Variants in SOCS7 observed in about 807,000 individuals in gnomAD.
SOCS7 encodes the protein suppressor of cytokine signaling 7.
Under a neutral mutation model 58.9 loss-of-function variants are expected in SOCS7, and 18 were observed. The observed-to-expected ratio is 0.31, with a 90% CI of 0.21 to 0.45. The LOEUF is 0.45. SOCS7 is among the 20% of genes least tolerant of loss of function. The pLI is 1.00. For synonymous variants in SOCS7, 388 were observed against 364.3 expected (o/e 1.06, Z -0.74); for missense variants, 667 against 837.3 (o/e 0.80, Z 2.51).
chr17:38,389,934 G>A, intron 7 of SOCS7, among the ~76,000 whole-genome samples: 1 of 38,608 alleles, frequency 2.6e-5, no homozygotes. Flanking sequence ...GAGAGTGAGA[G>A]AGAGAGAGAC....
chr17:38,376,842 G>A (rs1256128419), intron 6 of SOCS7, among the ~76,000 whole-genome samples: 1 of 152,130 alleles, frequency 6.6e-6, no homozygotes, highest in African/African-American at 2.4e-5. Context: ...GTCAATGATA[G>A]ACTACATATA....
At position 38,403,444 on chromosome 17, in the gene SOCS7, G is replaced by C. The variant is rs1465305326; in HGVS notation, c.*3962G>C. On this transcript the variant is annotated 3_prime_UTR_variant, in exon 10 of 10. Transcript: ENST00000612932. ...GCCTGCTTGAAGCCCTCTGCTCCCTGCAGAAACTGGGGCGAGGAGGAGCTT... is the reference window on the plus strand; with the variant it reads ...GCCTGCTTGAAGCCCTCTGCTCCCTCCAGAAACTGGGGCGAGGAGGAGCTT... 6.6e-6 allele frequency: 1 copy of C among 152,248 alleles called. No homozygotes were observed. Among genetic ancestry groups the C allele is most frequent in the Non-Finnish European group, 1.5e-5 (1 of 68,094 alleles). 9.4% of individuals were successfully genotyped at this position (152,248 alleles called of 1,614,324 possible). A position where few individuals can be genotyped will look rare whatever the true frequency, so the allele number is the denominator to read the frequency against.
In SOCS7 at chr17:38,364,864, T is replaced by G. The variant is rs1555568069; in HGVS notation, c.1150+8T>G. On this transcript the variant is annotated splice_region_variant and intron_variant, in intron 3 of 9. Transcript: ENST00000612932. ...GAAGCCTCAGCCTCCTAGGTATAGT[T>G]TCTTCCCCTCTCCACCTTCTTGCCT... is the stretch of plus-strand genomic sequence containing the variant. 4 of 1,605,894 alleles carry G rather than the reference T, an allele frequency of 2.5e-6. No individual in the cohort carries two copies. Among genetic ancestry groups the G allele is most frequent in the African/African-American group, 1.3e-5 (1 of 74,738 alleles).
chr17:38,365,415 C>T lies in SOCS7; in HGVS notation c.1252+6C>T, dbSNP rs1190581127. 6.3e-7 allele frequency: 1 copy of T among 1,598,076 alleles called. No individual in the cohort carries two copies. Among genetic ancestry groups the T allele is most frequent in the Non-Finnish European group, 8.5e-7 (1 of 1,169,980 alleles). On this transcript the variant is annotated splice_donor_region_variant and intron_variant, in intron 4 of 9. Transcript: ENST00000612932. ...TCCTCCACCCCATGCCCCAGGTTAG[C>T]TTAGTTTAGAGGCAAGACTTGTAAG...
intron 7 of SOCS7, among the ~76,000 whole-genome samples, chr17:38,392,018 G>A (rs886320719): frequency 5.9e-5 from 9 of 152,160 alleles, no homozygotes; most frequent in Non-Finnish European, 1.2e-4. Context: ...CATGAGGACT[G>A]GAAGAAAGTT....
At chr17:38,398,950 C>A (rs2038280725) in intron 9 of SOCS7, among the ~76,000 whole-genome samples, 1 of 152,018 alleles carries the variant, frequency 6.6e-6, no homozygotes, top group Non-Finnish European at 1.5e-5. Context: ...ATTAGCCAGG[C>A]ATGGTGGCGC....
At chr17:38,399,465 G>C (rs539002384) in intron 9 of SOCS7, 48 bp from the exon 10 acceptor site, 2 of 152,394 alleles carry the variant, frequency 1.3e-5, no homozygotes, top group East Asian at 3.9e-4. Flanking sequence ...ACTCCATTTT[G>C]GTTCTATTCT....
intron 1 of SOCS7, among the ~76,000 whole-genome samples, chr17:38,354,890 G>A (rs2037613410): frequency 1.3e-5 from 2 of 152,186 alleles, no homozygotes; most frequent in Admixed American, 1.3e-4. Context: ...AGAGGAAAAG[G>A]CATATGACAT....
intron 1 of SOCS7, among the ~76,000 whole-genome samples, chr17:38,355,196 A>G (rs1181052681): frequency 6.6e-6 from 1 of 152,222 alleles, no homozygotes; most frequent in Non-Finnish European, 1.5e-5. Flanking sequence ...AACATCAGCT[A>G]GGAGATGACC....
chr17:38,386,769 C>G (rs186660067), intron 7 of SOCS7, among the ~76,000 whole-genome samples: 2 of 152,048 alleles, frequency 1.3e-5, no homozygotes, highest in Non-Finnish European at 2.9e-5. Context: ...TCCCTATCAT[C>G]CTTTGAAGGT....
chr17:38,356,625 A>T (rs1019676027), intron 1 of SOCS7, among the ~76,000 whole-genome samples: 3 of 152,018 alleles, frequency 2.0e-5, no homozygotes, highest in Non-Finnish European at 4.4e-5. Context: ...GCAGTCTCCC[A>T]AAGTGCTGGG....
chr17:38,363,957 C>T (rs993578980), intron 2 of SOCS7, among the ~76,000 whole-genome samples: 6 of 152,094 alleles, frequency 3.9e-5, no homozygotes, highest in Non-Finnish European at 5.9e-5. Flanking sequence ...TTCATCCTCT[C>T]GTGACTCAAG....
chr17:38,360,564 G>A (rs1055300361), intron 1 of SOCS7, among the ~76,000 whole-genome samples: 1 of 151,016 alleles, frequency 6.6e-6, no homozygotes, highest in Non-Finnish European at 1.5e-5. Flanking sequence ...TTTTGAGACG[G>A]AGTCTCGCTC....
At chr17:38,382,127 T>C (rs2038011295) in intron 7 of SOCS7, among the ~76,000 whole-genome samples, 2 of 151,234 alleles carry the variant, frequency 1.3e-5, no homozygotes, top group African/African-American at 4.9e-5. Context: ...GAAAAAAATA[T>C]CTTTAAAAAA....
chr17:38,387,115 A>ATGTATGTATGTATGTATG (rs1357828009), intron 7 of SOCS7, among the ~76,000 whole-genome samples: 2 of 108,314 alleles, frequency 1.8e-5, no homozygotes, highest in African/African-American at 9.4e-5. Flanking sequence ...ATATATATAT[A>ATGTATGTATGTATGTATG]TATATATATA....
intron 1 of SOCS7, among the ~76,000 whole-genome samples, chr17:38,360,212 T>G (rs587689584): frequency 2.3e-4 from 35 of 151,898 alleles, no homozygotes; most frequent in African/African-American, 8.0e-4. Context: ...TTTTTTTTTT[T>G]TGGGGATGGA....
chr17:38,379,332 G>A (rs2037972505), intron 7 of SOCS7, among the ~76,000 whole-genome samples: 1 of 151,876 alleles, frequency 6.6e-6, no homozygotes, highest in Admixed American at 6.6e-5. Flanking sequence ...ACAAAAATTA[G>A]CCAGGTGTGG....
Position 38,381,970 on chromosome 17 carries a change from AAAAAC to A in SOCS7, c.1681+4129_1681+4133del, listed in dbSNP as rs1452655005. On this transcript the variant is annotated intron_variant, in intron 7 of 9. Coordinates refer to ENST00000612932, the MANE Select transcript of SOCS7 (RefSeq NM_014598.4). ...TCAAAAAAAAAAAAAAAAAAAAAAA[AAAAAC>A]CTAAAAAAACTAAACCCCTAACACC... Among the ~76,000 whole-genome samples the A allele has an allele frequency of 2.8e-4, 42 of 149,626 alleles. 2 individuals carry two copies. Among genetic ancestry groups the A allele is most frequent in the African/African-American group, 1.0e-3 (42 of 40,280 alleles).
At chr17:38,393,535 G>A (rs932607756) in intron 7 of SOCS7, among the ~76,000 whole-genome samples, 4 of 152,056 alleles carry the variant, frequency 2.6e-5, no homozygotes, top group African/African-American at 7.2e-5. Context: ...TACTCGAGAG[G>A]CTAAGGCAGG....
Sources: allele counts gnomAD v4.1 joint callset (sites outside exome capture counted in the v4.1 genomes callset), GRCh38; gene constraint gnomAD v4.1.1; transcripts MANE v1.5; gene names NCBI Gene and HGNC (gene_info 2026-07-23, HGNC 2026-07-21).